KDM4C: variants seen among roughly 807,000 people sequenced by gnomAD.
KDM4C encodes the protein lysine-specific demethylase 4C.
In KDM4C, 81 loss-of-function variants were observed where a neutral mutation model predicts 129.3. The ratio of observed to expected loss-of-function variants is 0.63; its 90% CI spans 0.52 to 0.75. The LOEUF (loss-of-function observed/expected upper bound fraction) is 0.75, where lower values mean the gene tolerates loss of function less well. Among genes scored for constraint, KDM4C ranks in the 30% least tolerant of loss-of-function variants. The pLI is 0.00. For missense variants in KDM4C, 1,457 were observed against 1,304.0 expected (o/e 1.12, Z -1.81); for synonymous variants, 573 against 456.1 (o/e 1.26, Z -3.26).
rs3072026 is a variant in KDM4C at position 6,882,772 on chromosome 9, T to TTGTGTGTG, written c.679+2738_679+2745dup. On this transcript the variant is annotated intron_variant, in intron 6 of 21. Coordinates refer to ENST00000381309, the MANE Select transcript of KDM4C (RefSeq NM_015061.6). ...TAGTTTAGTTCATGCTTTTAAGCAT[T>TTGTGTGTG]TGTGTGTGTGTGTGTGTGTGTGTGT... Among the ~76,000 whole-genome samples, 748 of 149,746 alleles carry TTGTGTGTG rather than the reference T, an allele frequency of 5.0e-3. 5 individuals are homozygous for TTGTGTGTG. The highest frequency in any genetic ancestry group is 0.02 in the Middle Eastern group (6 of 294).
intron 3 of KDM4C, among the ~76,000 whole-genome samples, chr9:6,810,766 G>A (rs1830997148): frequency 6.6e-6 from 1 of 152,024 alleles, no homozygotes; most frequent in Non-Finnish European, 1.5e-5. Context: ...AGCTACTCGG[G>A]AGGCTGAGGC....
chr9:6,768,866 G>A (rs1821176045), intron 1 of KDM4C, among the ~76,000 whole-genome samples: 1 of 151,804 alleles, frequency 6.6e-6, no homozygotes, highest in African/African-American at 2.4e-5. Context: ...TCCACCTCCC[G>A]GGTTCAAGTG....
intron 4 of KDM4C, among the ~76,000 whole-genome samples, chr9:6,819,236 A>C (rs909723301): frequency 6.6e-6 from 1 of 152,236 alleles, no homozygotes; most frequent in Non-Finnish European, 1.5e-5. Context: ...TAGCATAAGC[A>C]TTGACTGTAA....
At chr9:7,116,593 C>T (rs1042535984) in intron 18 of KDM4C, among the ~76,000 whole-genome samples, 1 of 152,140 alleles carries the variant, frequency 6.6e-6, no homozygotes, top group African/African-American at 2.4e-5. Flanking sequence ...TAACACTAGA[C>T]AATCTGACAG....
chr9:7,127,902 T>A, intron 18 of KDM4C, 164 bp from the exon 19 acceptor site: 1 of 589,704 alleles, frequency 1.7e-6, no homozygotes, highest in East Asian at 3.2e-5. Flanking sequence ...TTCTTGCAAC[T>A]TTTCTGTAAG....
At chr9:6,727,799 A>T (rs967277512) in intron 1 of KDM4C, among the ~76,000 whole-genome samples, 2 of 148,494 alleles carry the variant, frequency 1.3e-5, no homozygotes, top group Non-Finnish European at 3.0e-5. Context: ...TATGCTACTC[A>T]TAAGATTTCA....
rs546059504 is a variant in KDM4C at position 7,043,882 on chromosome 9, G to A, written c.2260-2980G>A. ...TAGAAAGTCCCAGTATGTGAAAATG[G>A]TCTTTGCATTTTATTAATCCTTTGC... is the stretch of plus-strand genomic sequence containing the variant. On this transcript the variant is annotated intron_variant, in intron 15 of 21. Transcript: ENST00000381309. Among the ~76,000 whole-genome samples the A allele has an allele frequency of 8.6e-5, 13 of 151,988 alleles. No homozygotes were observed. The South Asian group carries it at 2.1e-3, about 24-fold the overall frequency.
chr9:7,121,770 A>G (rs1306259924), intron 18 of KDM4C, among the ~76,000 whole-genome samples: 1 of 152,052 alleles, frequency 6.6e-6, no homozygotes, highest in South Asian at 2.1e-4. Flanking sequence ...CTCAACAAGT[A>G]TCTAGAACAA....
chr9:6,964,834 A>G (rs1450384921), intron 8 of KDM4C, among the ~76,000 whole-genome samples: 9 of 147,688 alleles, frequency 6.1e-5, no homozygotes, highest in Non-Finnish European at 1.0e-4. Context: ...CATGCCTGTA[A>G]TCCCAGCTAC....
intron 15 of KDM4C, among the ~76,000 whole-genome samples, chr9:7,028,895 G>A (rs1479269163): frequency 1.3e-5 from 2 of 151,736 alleles, no homozygotes; most frequent in Non-Finnish European, 2.9e-5. Context: ...CCTGTGCCAT[G>A]TGACCGTTGC....
At chr9:7,117,055 A>G (rs1838978173) in intron 18 of KDM4C, among the ~76,000 whole-genome samples, 1 of 152,078 alleles carries the variant, frequency 6.6e-6, no homozygotes, top group African/African-American at 2.4e-5. Flanking sequence ...TTATGATTAT[A>G]CCCATGTGAC....
rs138837814 is a variant in KDM4C at position 7,128,089 on chromosome 9, C to T, written c.2634C>T (p.Val878=). ...PNVKSKACEK[V]ISVGQTVITK... ...AGAAGTCCAAGGCTTGCGAGAAGGT[C>T]ATTTCCGTGGGTCAAACGGTCATCA... Residue 878 remains valine (V), a synonymous_variant, in exon 19 of 22, where the codon GTC becomes GTT. Transcript: ENST00000381309. 13 of 1,593,812 alleles carry T rather than the reference C, an allele frequency of 8.2e-6. No individual in the cohort carries two copies. The highest frequency in any genetic ancestry group is 1.4e-5 in the African/African-American group (1 of 73,848).
intron 15 of KDM4C, among the ~76,000 whole-genome samples, chr9:7,041,688 T>C (rs1224906143): frequency 1.3e-5 from 2 of 152,008 alleles, no homozygotes; most frequent in Non-Finnish European, 1.5e-5. Context: ...GAAGTCAATC[T>C]GATTTATATT....
chr9:6,949,632 A>G (rs1827732438), intron 8 of KDM4C, among the ~76,000 whole-genome samples: 1 of 152,206 alleles, frequency 6.6e-6, no homozygotes, highest in Non-Finnish European at 1.5e-5. Context: ...CGCGGTTAGG[A>G]GCTGGAGACC....
At chr9:6,811,434 C>G (rs780026873) in intron 3 of KDM4C, among the ~76,000 whole-genome samples, 1 of 152,098 alleles carries the variant, frequency 6.6e-6, no homozygotes, top group Non-Finnish European at 1.5e-5. Flanking sequence ...TCTTTCCATT[C>G]ATCTGTTTTT....
intron 8 of KDM4C, among the ~76,000 whole-genome samples, chr9:6,964,003 A>G (rs1431610799): frequency 6.6e-6 from 1 of 152,170 alleles, no homozygotes; most frequent in East Asian, 1.9e-4. Context: ...TTTGACTGTT[A>G]GAAAGCTAAG....
chr9:7,156,746 G>T (rs376375323), intron 19 of KDM4C, among the ~76,000 whole-genome samples: 1 of 152,176 alleles, frequency 6.6e-6, no homozygotes, highest in Non-Finnish European at 1.5e-5. Context: ...TGCTGTTTTG[G>T]TTACTGTAGC....
upstream of KDM4C, chr9:6,757,765 G>C: frequency 1.0e-6 from 1 of 985,626 alleles, no homozygotes; most frequent in Non-Finnish European, 1.2e-6. Context: ...CCTTCTACGC[G>C]AGTATCTTTC....
chr9:7,082,701 A>G (rs1408847963), intron 17 of KDM4C, among the ~76,000 whole-genome samples: 2 of 152,142 alleles, frequency 1.3e-5, no homozygotes, highest in African/African-American at 2.4e-5. Flanking sequence ...TCCAAATCCC[A>G]CACTGCTTTA....
Sources: allele counts gnomAD v4.1 joint callset (sites outside exome capture counted in the v4.1 genomes callset), GRCh38; gene constraint gnomAD v4.1.1; transcripts MANE v1.5; gene names NCBI Gene and HGNC (gene_info 2026-07-23, HGNC 2026-07-21).